Variants in MAP4K3 observed in about 807,000 individuals in gnomAD.
The protein encoded by MAP4K3 is MAPK/ERK kinase kinase kinase 3.
A neutral mutation model predicts 143.5 loss-of-function variants in MAP4K3; 94 were observed. That is an observed-to-expected ratio of 0.65 (90% CI 0.55 to 0.78). MAP4K3 has a LOEUF of 0.78. MAP4K3 is among the 30% of genes least tolerant of loss of function. MAP4K3 has a pLI of 0.00. For synonymous variants in MAP4K3, 416 were observed against 347.2 expected (o/e 1.20, Z -2.20); for missense variants, 1,077 against 1,068.1 (o/e 1.01, Z -0.12).
At chr2:39,290,269 A>T in intron 19 of MAP4K3, 23 bp downstream of exon 19, 2 of 1,585,718 alleles carry the variant, frequency 1.3e-6, no homozygotes, top group Admixed American at 3.6e-5. Flanking sequence ...ACATATATCA[A>T]ATTGAAAAAT....
At chr2:39,258,787 T>C (rs1228880565) in intron 29 of MAP4K3, among the ~76,000 whole-genome samples, 200 bp from the exon 30 acceptor site, 2 of 152,226 alleles carry the variant, frequency 1.3e-5, no homozygotes, top group Non-Finnish European at 2.9e-5. Flanking sequence ...ACAGAGCATA[T>C]GTTGGCTGTT....
At chr2:39,359,504 G>A (rs1304474648) in intron 2 of MAP4K3, among the ~76,000 whole-genome samples, 1 of 152,218 alleles carries the variant, frequency 6.6e-6, no homozygotes, top group Non-Finnish European at 1.5e-5. Flanking sequence ...GAGATCCAGA[G>A]GACAGTGACC....
intron 1 of MAP4K3, among the ~76,000 whole-genome samples, chr2:39,393,105 C>T (rs1231229763): frequency 6.6e-6 from 1 of 152,188 alleles, no homozygotes; most frequent in Non-Finnish European, 1.5e-5. Flanking sequence ...TTATTTCTTA[C>T]TGACTGTGTG....
chr2:39,290,192 T>C, intron 19 of MAP4K3, 100 bp downstream of exon 19: 2 of 811,658 alleles, frequency 2.5e-6, no homozygotes, highest in Non-Finnish European at 3.7e-6. Context: ...TGATTTTTCT[T>C]TGTGGATCAC....
chr2:39,331,981 CA>C lies in MAP4K3; in HGVS notation c.465del (p.Phe155LeufsTer7). ...GTAGCTGTTATCTGTGCAGATACTC[CA>C]AAATCAGCTATTAAAAAAAATGAGA... ...TDNGHVKLAD[F>X]GVSAQITATI... On this transcript the variant is annotated frameshift_variant, in exon 8 of 34. Transcript: ENST00000263881. LOFTEE classifies it high-confidence loss of function. The C allele has an allele frequency of 1.3e-6, 2 of 1,519,628 alleles. No homozygotes were observed. The highest frequency in any genetic ancestry group is 1.8e-6 in the Non-Finnish European group (2 of 1,119,120). 94.1% of individuals were successfully genotyped at this position (1,519,628 alleles called of 1,614,324 possible). A position where few individuals can be genotyped will look rare whatever the true frequency, so the allele number is the denominator to read the frequency against.
At chr2:39,275,317 C>G (rs907950310) in intron 24 of MAP4K3, among the ~76,000 whole-genome samples, 1 of 152,078 alleles carries the variant, frequency 6.6e-6, no homozygotes, top group African/African-American at 2.4e-5. Context: ...AAATCCCAGT[C>G]TCTACAAAAT....
Position 39,288,109 on chromosome 2 carries a change from C to A in MAP4K3, c.1474+12G>T, listed in dbSNP as rs45537038. The stretch of plus-strand genomic sequence containing the variant: ...ACCTGGTAACATATTTGCTGTCACC[C>A]TCCACCATTACCTAAGGCAACAGGT... On this transcript the variant is annotated intron_variant, in intron 20 of 33. Transcript: ENST00000263881. The A allele has an allele frequency of 4.9e-5, 79 of 1,613,684 alleles. No homozygotes were observed. The highest frequency in any genetic ancestry group is 6.3e-5 in the Non-Finnish European group (74 of 1,179,796).
intron 22 of MAP4K3, among the ~76,000 whole-genome samples, chr2:39,281,900 A>T (rs1681547432): frequency 6.6e-6 from 1 of 151,854 alleles, no homozygotes; most frequent in African/African-American, 2.4e-5. Flanking sequence ...GTAGAATTTA[A>T]AGGTAAAAAA....
intron 8 of MAP4K3, among the ~76,000 whole-genome samples, chr2:39,327,639 A>G (rs1240425129): frequency 6.6e-6 from 1 of 152,238 alleles, no homozygotes; most frequent in Non-Finnish European, 1.5e-5. Context: ...GTCAAAAACA[A>G]AAAACCCTCT....
At chr2:39,311,163 C>T (rs1682924422) in intron 13 of MAP4K3, among the ~76,000 whole-genome samples, 1 of 152,116 alleles carries the variant, frequency 6.6e-6, no homozygotes, top group African/African-American at 2.4e-5. Context: ...CTGCAACCTC[C>T]ACCTCCTGGG....
chr2:39,321,583 G>A (rs1165678417), intron 12 of MAP4K3, among the ~76,000 whole-genome samples: 1 of 152,148 alleles, frequency 6.6e-6, no homozygotes, highest in Non-Finnish European at 1.5e-5. Flanking sequence ...CACCCATAAA[G>A]GGTCTGTAAT....
chr2:39,305,684 C>G (rs944791426), intron 15 of MAP4K3, among the ~76,000 whole-genome samples: 5 of 152,180 alleles, frequency 3.3e-5, no homozygotes, highest in Non-Finnish European at 7.3e-5. Context: ...CTGTCAAATG[C>G]TCCCCTGTAC....
intron 24 of MAP4K3, 125 bp from the exon 25 acceptor site, chr2:39,272,667 A>C (rs1681079259): frequency 1.5e-6 from 1 of 682,588 alleles, no homozygotes; most frequent in Non-Finnish European, 2.5e-6. Flanking sequence ...TATTTTTAAC[A>C]TAAATTAACT....
intron 1 of MAP4K3, among the ~76,000 whole-genome samples, chr2:39,429,587 G>A (rs1572518765): frequency 6.6e-6 from 1 of 152,270 alleles, no homozygotes; most frequent in South Asian, 2.1e-4. Context: ...TCACCACTGG[G>A]GGAAGGTGGG....
At chr2:39,372,857 A>G (rs1359863850) in intron 2 of MAP4K3, among the ~76,000 whole-genome samples, 1 of 152,214 alleles carries the variant, frequency 6.6e-6, no homozygotes, top group African/African-American at 2.4e-5. Flanking sequence ...CATTGGGGAA[A>G]ATCTCCATGA....
chr2:39,278,839 CG>C (rs1439801601), intron 23 of MAP4K3, among the ~76,000 whole-genome samples: 3 of 151,984 alleles, frequency 2.0e-5, no homozygotes, highest in Non-Finnish European at 4.4e-5. Flanking sequence ...AATATAAAAT[CG>C]AGAGTGGCTG....
chr2:39,304,148 ATTT>A (rs58878976), intron 15 of MAP4K3, among the ~76,000 whole-genome samples: 6 of 143,872 alleles, frequency 4.2e-5, no homozygotes, highest in East Asian at 2.0e-4. Context: ...TAATTATCTG[ATTT>A]TTTTTTTTTT....
intron 1 of MAP4K3, among the ~76,000 whole-genome samples, chr2:39,404,431 G>A (rs1313088078): frequency 2.0e-5 from 3 of 152,040 alleles, no homozygotes; most frequent in Non-Finnish European, 2.9e-5. Context: ...GAACATCAGC[G>A]GTAGCCTGAC....
At chr2:39,268,698 G>C (rs1363257880) in intron 26 of MAP4K3, among the ~76,000 whole-genome samples, 2 of 131,898 alleles carry the variant, frequency 1.5e-5, no homozygotes, top group East Asian at 4.7e-4. Flanking sequence ...GGAGTGCAGT[G>C]GCTTGACCTC....
Sources: allele counts gnomAD v4.1 joint callset (sites outside exome capture counted in the v4.1 genomes callset), GRCh38; gene constraint gnomAD v4.1.1; transcripts MANE v1.5; gene names NCBI Gene and HGNC (gene_info 2026-07-23, HGNC 2026-07-21).